Variants in NDUFAF2 observed in about 807,000 individuals in gnomAD.
The protein encoded by NDUFAF2 is NADH:ubiquinone oxidoreductase complex assembly factor 2, also known as NADH dehydrogenase [ubiquinone] 1 alpha subcomplex assembly factor 2.
NDUFAF2 carries 13 observed loss-of-function variants against 22.8 expected under a neutral mutation model. That is an observed-to-expected ratio of 0.57 (90% CI 0.37 to 0.91). The LOEUF (loss-of-function observed/expected upper bound fraction) is 0.91. Among genes scored for constraint, NDUFAF2 ranks in the 40% least tolerant of loss-of-function variants. The pLI is 0.01. For synonymous variants in NDUFAF2, 53 were observed against 64.2 expected (o/e 0.83, Z 0.84); for missense variants, 162 against 195.2 (o/e 0.83, Z 1.01).
At chr5:61,077,912 T>C (rs989260078) in intron 2 of NDUFAF2, among the ~76,000 whole-genome samples, 3 of 152,212 alleles carry the variant, frequency 2.0e-5, no homozygotes, top group Non-Finnish European at 4.4e-5. Flanking sequence ...TTCCTAAGTA[T>C]CAATAGCAAC....
intron 1 of NDUFAF2, among the ~76,000 whole-genome samples, chr5:60,967,007 C>T (rs1750766130): frequency 6.6e-6 from 1 of 152,052 alleles, no homozygotes; most frequent in African/African-American, 2.4e-5. Flanking sequence ...GTTGTGTACA[C>T]TGCAGTTTCT....
intron 1 of NDUFAF2, among the ~76,000 whole-genome samples, chr5:61,052,510 C>A (rs934659030): frequency 6.6e-6 from 1 of 152,074 alleles, no homozygotes; most frequent in African/African-American, 2.4e-5. Flanking sequence ...TGGGGTTTCA[C>A]CGTGTTAGCC....
At chr5:60,984,563 A>G (rs891857156) in intron 1 of NDUFAF2, among the ~76,000 whole-genome samples, 1 of 151,892 alleles carries the variant, frequency 6.6e-6, no homozygotes, top group Non-Finnish European at 1.5e-5. Flanking sequence ...TTATTTTGAG[A>G]TACGTCCCAT....
intron 3 of NDUFAF2, among the ~76,000 whole-genome samples, chr5:61,128,808 TTAAAC>T (rs1254488769): frequency 6.6e-6 from 1 of 152,054 alleles, no homozygotes; most frequent in African/African-American, 2.4e-5. Context: ...TGGGATCTAA[TTAAAC>T]TAAAGAGCTT....
At chr5:60,979,738 T>C (rs1284883144) in intron 1 of NDUFAF2, among the ~76,000 whole-genome samples, 1 of 152,164 alleles carries the variant, frequency 6.6e-6, no homozygotes, top group Non-Finnish European at 1.5e-5. Flanking sequence ...CAGGAGCAAC[T>C]TGCTCCCCTG....
chr5:61,134,822 T>C (rs1296251416), intron 3 of NDUFAF2, among the ~76,000 whole-genome samples: 1 of 152,152 alleles, frequency 6.6e-6, no homozygotes, highest in Non-Finnish European at 1.5e-5. Flanking sequence ...CTTTAAGACA[T>C]TGTACATCAG....
intron 2 of NDUFAF2, among the ~76,000 whole-genome samples, chr5:61,094,294 T>A (rs141052540): frequency 0.013 from 2,019 of 152,294 alleles, 51 homozygotes; most frequent in African/African-American, 0.046. Flanking sequence ...ATACTTGTGA[T>A]TGCATTATGA....
intron 1 of NDUFAF2, among the ~76,000 whole-genome samples, chr5:60,946,436 T>C (rs1750456759): frequency 6.6e-6 from 1 of 152,192 alleles, no homozygotes; most frequent in Non-Finnish European, 1.5e-5. Context: ...TATTTTTGCC[T>C]GGCCTTTTTC....
intron 2 of NDUFAF2, among the ~76,000 whole-genome samples, chr5:61,090,462 A>G (rs528718960): frequency 8.5e-5 from 13 of 152,230 alleles, no homozygotes; most frequent in Non-Finnish European, 1.6e-4. Flanking sequence ...ACCATTAAAA[A>G]AATGTAAAAA....
At chr5:60,987,375 T>C (rs978331048) in intron 1 of NDUFAF2, among the ~76,000 whole-genome samples, 1 of 152,224 alleles carries the variant, frequency 6.6e-6, no homozygotes, top group African/African-American at 2.4e-5. Flanking sequence ...GTACCATTCC[T>C]ACTGAAGATA....
chr5:60,952,573 ATGTAT>A (rs1399130783), intron 1 of NDUFAF2, among the ~76,000 whole-genome samples: 1 of 152,038 alleles, frequency 6.6e-6, no homozygotes, highest in Non-Finnish European at 1.5e-5. Flanking sequence ...GTTATTTTAA[ATGTAT>A]TGTAAATTGT....
Position 61,084,988 on chromosome 5 carries a change from A to G in NDUFAF2, c.217+11774A>G, listed in dbSNP as rs192228305. Among the ~76,000 whole-genome samples, 10 of 152,262 alleles carry G rather than the reference A, an allele frequency of 6.6e-5. No homozygotes were observed. In the East Asian group the frequency reaches 1.2e-3, roughly 18 times the overall value. On this transcript the variant is annotated intron_variant, in intron 2 of 3. Coordinates refer to ENST00000296597, the MANE Select transcript of NDUFAF2 (RefSeq NM_174889.5). Reference sequence around the variant, plus strand: ...ATTTTTTTCCATATGCTCATGGAACATTCACCAGGATGGGCCACATATTCT... The same window carrying G: ...ATTTTTTTCCATATGCTCATGGAACGTTCACCAGGATGGGCCACATATTCT...
At chr5:61,015,326 G>A (rs2112600029) in intron 1 of NDUFAF2, among the ~76,000 whole-genome samples, 1 of 152,108 alleles carries the variant, frequency 6.6e-6, no homozygotes, top group Non-Finnish European at 1.5e-5. Context: ...CTGTTGCCCA[G>A]GCTGAAGTGC....
chr5:61,039,089 T>G (rs969132289), intron 1 of NDUFAF2, among the ~76,000 whole-genome samples: 2 of 151,342 alleles, frequency 1.3e-5, no homozygotes, highest in African/African-American at 4.9e-5. Flanking sequence ...AGTTTTGAAT[T>G]TATTCATATT....
intron 1 of NDUFAF2, among the ~76,000 whole-genome samples, chr5:61,018,266 A>T (rs957553164): frequency 1.4e-4 from 21 of 152,220 alleles, no homozygotes; most frequent in African/African-American, 4.8e-4. Context: ...GAACTTAGCC[A>T]TAAAAGAGTA....
chr5:60,984,163 A>G (rs188320881), intron 1 of NDUFAF2, among the ~76,000 whole-genome samples: 2,840 of 152,198 alleles, frequency 0.019, 96 homozygotes, highest in African/African-American at 0.065. Context: ...CTTTTAAGCA[A>G]TTGTGAATGG....
chr5:61,019,485 T>C (rs944256309), intron 1 of NDUFAF2, among the ~76,000 whole-genome samples: 1 of 152,172 alleles, frequency 6.6e-6, no homozygotes, highest in East Asian at 1.9e-4. Flanking sequence ...TTTGTACAAG[T>C]AGAATATTAA....
chr5:61,112,332 G>T (rs1391559014), intron 3 of NDUFAF2, among the ~76,000 whole-genome samples: 1 of 150,012 alleles, frequency 6.7e-6, no homozygotes, highest in African/African-American at 2.4e-5. Flanking sequence ...TCCTGCCTCA[G>T]CCTCTCGAGT....
intron 3 of NDUFAF2, among the ~76,000 whole-genome samples, chr5:61,118,258 C>CTTGAGGGATAGTCCT (rs1264264288): frequency 2.6e-5 from 4 of 152,138 alleles, no homozygotes; most frequent in African/African-American, 9.7e-5. Context: ...GTGAATCTCT[C>CTTGAGGGATAGTCCT]TTGAGGGATA....
Sources: gnomAD v4.1 joint callset for allele counts (sites outside exome capture counted in the v4.1 genomes callset) on GRCh38, gnomAD v4.1.1 for gene constraint, MANE v1.5 for transcripts, NCBI Gene and HGNC (gene_info 2026-07-23, HGNC 2026-07-21) for gene names.